The following TAOK1 variants were observed in gnomAD, a reference collection of about 807,000 sequenced individuals.
TAOK1 encodes the protein serine/threonine-protein kinase TAO1.
A neutral mutation model predicts 138.3 loss-of-function variants in TAOK1; 21 were observed. That is an observed-to-expected ratio of 0.15 (90% confidence interval 0.11 to 0.22). TAOK1 has a LOEUF of 0.22. TAOK1 is among the 10% of genes least tolerant of loss of function. TAOK1 has a pLI of 1.00. For synonymous variants in TAOK1, 361 were observed against 398.4 expected (o/e 0.91, Z 1.12); for missense variants, 651 against 1,227.7 (o/e 0.53, Z 7.02).
rs1429137575 is a variant in TAOK1, at chr17:29,491,859, T to G, written c.825T>G (p.Leu275=). The G allele has an allele frequency of 1.2e-6, 2 of 1,608,550 alleles. No homozygotes were observed. Residue 275 remains leucine (L), a synonymous_variant, in exon 10 of 20, where the codon CTT becomes CTG. Coordinates refer to ENST00000261716, the MANE Select transcript of TAOK1 (RefSeq NM_020791.4). The part of the protein sequence containing the change: ...IPQDRPTSEE[L]LKHIFVLRER... ...AAGATCGACCTACATCAGAGGAACTTTTAAAGGTCAGTTCTATTATAGTTT... is the reference window on the plus strand; with the variant it reads ...AAGATCGACCTACATCAGAGGAACTGTTAAAGGTCAGTTCTATTATAGTTT...
chr17:29,512,645 C>CT (rs1044014653), intron 15 of TAOK1: 2 of 151,246 alleles, frequency 1.3e-5, no homozygotes, highest in African/African-American at 4.9e-5. Flanking sequence ...TCCCAAAGTG[C>CT]TGGGACTACA....
At chr17:29,430,833 C>T (rs1448402216) in intron 1 of TAOK1, among the ~76,000 whole-genome samples, 6 of 152,174 alleles carry the variant, frequency 3.9e-5, no homozygotes, top group South Asian at 2.1e-4. Context: ...TTGGAGATCA[C>T]GGAACTCTCA....
chr17:29,539,512 C>T (rs2032280043), intron 19 of TAOK1, among the ~76,000 whole-genome samples: 1 of 152,222 alleles, frequency 6.6e-6, no homozygotes, highest in Non-Finnish European at 1.5e-5. Context: ...TCTCGGCTCA[C>T]AGCAACCTCC....
intron 2 of TAOK1, among the ~76,000 whole-genome samples, chr17:29,460,890 T>C (rs959130844): frequency 2.0e-5 from 3 of 152,188 alleles, no homozygotes; most frequent in African/African-American, 7.2e-5. Flanking sequence ...AAAGAGCATT[T>C]ATATTCTGAT....
At chr17:29,518,841 A>G (rs1305563177) in intron 16 of TAOK1, among the ~76,000 whole-genome samples, 3 of 151,940 alleles carry the variant, frequency 2.0e-5, no homozygotes, top group African/African-American at 4.8e-5. Flanking sequence ...ATCTCGGCTC[A>G]TTGCAACCTC....
chr17:29,501,841 A>G (rs2031536627), intron 12 of TAOK1, among the ~76,000 whole-genome samples: 3 of 151,672 alleles, frequency 2.0e-5, no homozygotes, highest in African/African-American at 7.3e-5. Context: ...GTTCAAGACC[A>G]GCCTGGGCAA....
intron 1 of TAOK1, among the ~76,000 whole-genome samples, chr17:29,435,029 G>A (rs1342182563): frequency 6.6e-6 from 1 of 152,176 alleles, no homozygotes; most frequent in East Asian, 1.9e-4. Context: ...TGGGTGCATG[G>A]TGCTTGGCTT....
chr17:29,500,537 T>C (rs1413679141), intron 12 of TAOK1, among the ~76,000 whole-genome samples: 4 of 151,926 alleles, frequency 2.6e-5, no homozygotes, highest in African/African-American at 9.7e-5. Context: ...GGTCAAGAGA[T>C]TGAGACCATC....
At chr17:29,437,979 G>C (rs1212197255) in intron 1 of TAOK1, among the ~76,000 whole-genome samples, 1 of 151,976 alleles carries the variant, frequency 6.6e-6, no homozygotes, top group Non-Finnish European at 1.5e-5. Context: ...TGATTCGCCC[G>C]CCTTAGCCTC....
chr17:29,420,481 T>C (rs887197599), intron 1 of TAOK1, among the ~76,000 whole-genome samples: 1 of 151,600 alleles, frequency 6.6e-6, no homozygotes, highest in Admixed American at 6.6e-5. Flanking sequence ...TCTGAATGCC[T>C]TTTTTTTTCT....
rs1175297586 is a variant in TAOK1 at position 29,551,257 on chromosome 17, T to G, written c.*8235T>G. ...TATCATTGAGGTTCATCAATGAATT[T>G]GTACATTTCTAGTTCCCTTTGGTGA... On this transcript the variant is annotated 3_prime_UTR_variant, in exon 20 of 20. Transcript: ENST00000261716. 2.6e-5 allele frequency: 4 copies of G among 152,208 alleles called. No homozygotes were observed. Among genetic ancestry groups the G allele is most frequent in the Non-Finnish European group, 4.4e-5 (3 of 68,044 alleles). The allele number at this position is 152,208 out of a possible 1,614,324, so 9.4% of individuals were successfully genotyped here.
At position 29,530,463 on chromosome 17, in the gene TAOK1, A is replaced by G; in HGVS notation, c.2205A>G (p.Arg735=). The change falls in exon 18 of 20, where the codon AGA becomes AGG. Residue 735 remains arginine, a synonymous_variant. Transcript: ENST00000261716. ...AGGATACCTGCAAAATCCAAACCAGACAGTACAAAGCATTAAGAAATCACC... is the reference window on the plus strand; with the variant it reads ...AGGATACCTGCAAAATCCAAACCAGGCAGTACAAAGCATTAAGAAATCACC... ...QFQDTCKIQT[R]QYKALRNHLL... 6.2e-7 allele frequency: 1 copy of G among 1,614,188 alleles called. No individual in the cohort carries two copies. The highest frequency in any genetic ancestry group is 8.5e-7 in the Non-Finnish European group (1 of 1,180,028).
At chr17:29,514,917 G>T (rs2681171) in intron 15 of TAOK1, 129,893 of 149,434 alleles carry the variant, frequency 0.87, 56,575 homozygotes, top group Middle Eastern at 0.95. Context: ...GAAGATCACT[G>T]GAACCTGGGA....
intron 1 of TAOK1, among the ~76,000 whole-genome samples, chr17:29,440,757 G>A (rs955376297): frequency 6.6e-6 from 1 of 152,142 alleles, no homozygotes; most frequent in South Asian, 2.1e-4. Flanking sequence ...TGAATTTTTA[G>A]TAGAGATGAG....
rs571674121 is a variant in TAOK1 at position 29,426,755 on chromosome 17, AT to A, written c.-94-24696del. ...TGGTACATTGTATGATTTGTTATGG[AT>A]TTTGAATTTGATTTTCTATGCCTGT... On this transcript the variant is annotated intron_variant, in intron 1 of 19. Coordinates refer to ENST00000261716, the MANE Select transcript of TAOK1 (RefSeq NM_020791.4). Among the ~76,000 whole-genome samples, 190 of 152,238 alleles carry A rather than the reference AT, an allele frequency of 1.2e-3. 1 individual carries two copies. The highest frequency in any genetic ancestry group is 4.5e-3 in the African/African-American group (186 of 41,532).
At position 29,551,353 on chromosome 17, in the gene TAOK1, ATCT is replaced by A. The variant is rs2032490275; in HGVS notation, c.*8335_*8337del. ...CTTGCCTCCTTTTTTGGCAGCCTTC[ATCT>A]TCTCATCTCCCAAACCCCCTGAGCC... is the stretch of plus-strand genomic sequence containing the variant. On this transcript the variant is annotated 3_prime_UTR_variant, in exon 20 of 20. Transcript: ENST00000261716. 1.3e-5 allele frequency: 2 copies of A among 152,188 alleles called. No individual in the cohort carries two copies. Among genetic ancestry groups the A allele is most frequent in the Non-Finnish European group, 2.9e-5 (2 of 68,030 alleles). The allele number at this position is 152,188 out of a possible 1,614,324, so 9.4% of individuals were successfully genotyped here.
At chr17:29,517,402 G>C (rs1439417488) in intron 15 of TAOK1, 51 bp from the exon 16 acceptor site, 2 of 1,584,872 alleles carry the variant, frequency 1.3e-6, no homozygotes, top group Admixed American at 1.7e-5. Flanking sequence ...TTACAGGCGT[G>C]AGCCACCGTG....
intron 1 of TAOK1, among the ~76,000 whole-genome samples, chr17:29,438,962 A>G (rs1351736667): frequency 6.6e-6 from 1 of 152,162 alleles, no homozygotes; most frequent in African/African-American, 2.4e-5. Context: ...AAAGCTTACC[A>G]ATTCATTAAC....
Position 29,495,550 on chromosome 17 carries a change from C to A in TAOK1, c.832-10C>A, listed in dbSNP as rs1417722923. 4 of 1,563,388 alleles carry A rather than the reference C, an allele frequency of 2.6e-6. No homozygotes were observed. The highest frequency in any genetic ancestry group is 3.5e-6 in the Non-Finnish European group (4 of 1,151,712). On this transcript the variant is annotated splice_polypyrimidine_tract_variant and intron_variant, in intron 10 of 19. Transcript: ENST00000261716. ...AAAAAAATCAACCTTTTACCTTCTA[C>A]CCTATCTAGCACATATTTGTTCTTC...
Sources: gnomAD v4.1 joint callset for allele counts (sites outside exome capture counted in the v4.1 genomes callset) on GRCh38, gnomAD v4.1.1 for gene constraint, MANE v1.5 for transcripts, NCBI Gene and HGNC (gene_info 2026-07-23, HGNC 2026-07-21) for gene names.